Variants in TMEM178B observed in about 807,000 individuals in gnomAD.
TMEM178B encodes the protein transmembrane protein 178B.
TMEM178B carries 5 observed loss-of-function variants against 31.0 expected under a neutral mutation model. The observed-to-expected ratio is 0.16, with a 90% CI of 0.08 to 0.34. TMEM178B has a LOEUF of 0.34. TMEM178B is among the 10% of genes least tolerant of loss of function. TMEM178B has a pLI of 1.00. For synonymous variants in TMEM178B, 164 were observed against 164.0 expected, an observed-to-expected ratio of 1.00 and a Z score of 0.00; for missense variants, 275 against 400.3, an observed-to-expected ratio of 0.69 and a Z score of 2.67.
chr7:141,268,190 C>T (rs73737732), intron 2 of TMEM178B, among the ~76,000 whole-genome samples: 1 of 152,220 alleles, frequency 6.6e-6, no homozygotes, highest in African/African-American at 2.4e-5. Flanking sequence ...GTTTGAAGCA[C>T]TAAGAAGGAT....
At chr7:141,176,826 G>A (rs895012821) in intron 1 of TMEM178B, among the ~76,000 whole-genome samples, 7 of 151,992 alleles carry the variant, frequency 4.6e-5, no homozygotes, top group East Asian at 1.9e-4. Flanking sequence ...TTTTTTATGC[G>A]TCTATTTGAT....
chr7:141,349,941 A>G (rs1361502147), intron 2 of TMEM178B, among the ~76,000 whole-genome samples: 1 of 151,494 alleles, frequency 6.6e-6, no homozygotes, highest in African/African-American at 2.4e-5. Context: ...CCATGCATCC[A>G]TCCATGCATC....
intron 2 of TMEM178B, among the ~76,000 whole-genome samples, chr7:141,310,969 T>C (rs1798898574): frequency 6.6e-6 from 1 of 152,138 alleles, no homozygotes; most frequent in Non-Finnish European, 1.5e-5. Context: ...TATGCAGCCA[T>C]AAAAAGGAAT....
At chr7:141,286,596 T>C (rs955806718) in intron 2 of TMEM178B, among the ~76,000 whole-genome samples, 6 of 152,200 alleles carry the variant, frequency 3.9e-5, no homozygotes, top group African/African-American at 1.2e-4. Context: ...TTGCTGTCCA[T>C]GCGAGCCTGT....
rs537838447 is a variant in TMEM178B at position 141,143,918 on chromosome 7, T to C, written c.383-68673T>C. ...CAGCAGTGTTTTATAGTTCTCCTTGTAGAGATCTTTCATCTCTTTGGTTAG... is the reference window on the plus strand; with the variant it reads ...CAGCAGTGTTTTATAGTTCTCCTTGCAGAGATCTTTCATCTCTTTGGTTAG... On this transcript the variant is annotated intron_variant, in intron 1 of 3. Transcript: ENST00000565468. Among the ~76,000 whole-genome samples, 5 of 152,338 alleles carry C rather than the reference T, an allele frequency of 3.3e-5. No individual in the cohort carries two copies. The South Asian group carries it at 8.3e-4, about 25-fold the overall frequency.
chr7:141,401,801 G>A (rs1299687507), intron 2 of TMEM178B, among the ~76,000 whole-genome samples: 16 of 152,030 alleles, frequency 1.1e-4, no homozygotes, highest in Admixed American at 1.0e-3. Flanking sequence ...CTTGGCTATT[G>A]GTTTTTTAAA....
intron 3 of TMEM178B, among the ~76,000 whole-genome samples, chr7:141,467,307 G>A (rs1802162169): frequency 6.6e-6 from 1 of 152,234 alleles, no homozygotes; most frequent in South Asian, 2.1e-4. Context: ...TTGGAGTACT[G>A]TTCTCACAAG....
At chr7:141,501,015 AG>A in the TMEM178B span, among the ~76,000 whole-genome samples, 9 of 152,358 alleles carry the variant, frequency 5.9e-5, no homozygotes, top group South Asian at 2.1e-4. Context: ...TGTTGAAAAT[AG>A]AGGAAGGAGA....
intron 1 of TMEM178B, among the ~76,000 whole-genome samples, chr7:141,182,936 T>G (rs1388245922): frequency 6.6e-6 from 1 of 152,222 alleles, no homozygotes; most frequent in East Asian, 1.9e-4. Context: ...ATGTGTTTAT[T>G]AACACTGTGA....
intron 2 of TMEM178B, among the ~76,000 whole-genome samples, chr7:141,225,973 C>T (rs558873236): frequency 4.6e-5 from 7 of 152,222 alleles, no homozygotes; most frequent in South Asian, 2.1e-4. Context: ...TTTGCTTGGG[C>T]GCCTGGCACC....
intron 2 of TMEM178B, among the ~76,000 whole-genome samples, chr7:141,396,063 T>TAA (rs758478215): frequency 7.9e-5 from 12 of 151,968 alleles, no homozygotes; most frequent in Admixed American, 1.3e-4. Flanking sequence ...GGCCATGCCC[T>TAA]GAGAGAGAGA....
chr7:141,460,304 C>T (rs574261206), intron 3 of TMEM178B, among the ~76,000 whole-genome samples: 2 of 152,336 alleles, frequency 1.3e-5, no homozygotes, highest in African/African-American at 2.4e-5. Flanking sequence ...TGCACAAGGC[C>T]GTCCCTCTGC....
chr7:141,400,543 T>C (rs949549213), intron 2 of TMEM178B, among the ~76,000 whole-genome samples: 5 of 152,202 alleles, frequency 3.3e-5, no homozygotes, highest in African/African-American at 1.2e-4. Flanking sequence ...CACCCACCCA[T>C]TCCCAGAATA....
chr7:141,272,214 A>G (rs1190548066), intron 2 of TMEM178B, among the ~76,000 whole-genome samples: 1 of 152,188 alleles, frequency 6.6e-6, no homozygotes, highest in East Asian at 1.9e-4. Context: ...CATCTCCTGC[A>G]GTGGTTAGCA....
rs372629944 is a variant in TMEM178B at position 141,435,496 on chromosome 7, C to T, written c.497-2112C>T. On this transcript the variant is annotated intron_variant, in intron 2 of 3. Transcript: ENST00000565468. ...TCTACTGAGAAGGCAGCTCAGGCCT[C>T]GGTCACTCCAGAGTCTCTTGTGGTG... Among the ~76,000 whole-genome samples the T allele has an allele frequency of 2.2e-4, 33 of 152,290 alleles. No homozygotes were observed. The East Asian group carries it at 4.1e-3, about 19-fold the overall frequency.
the TMEM178B span, among the ~76,000 whole-genome samples, chr7:141,507,380 C>CT: frequency 8.1e-5 from 12 of 149,062 alleles, no homozygotes; most frequent in South Asian, 1.5e-3. Context: ...AACCTCAACT[C>CT]TTTTTTTTTT....
chr7:141,361,321 A>G (rs1368093962), intron 2 of TMEM178B, among the ~76,000 whole-genome samples: 1 of 152,148 alleles, frequency 6.6e-6, no homozygotes, highest in African/African-American at 2.4e-5. Context: ...ACCCAAATGG[A>G]GCACCAAGTA....
chr7:141,361,205 G>T (rs796834657), intron 2 of TMEM178B, among the ~76,000 whole-genome samples: 8 of 152,290 alleles, frequency 5.3e-5, no homozygotes, highest in African/African-American at 1.9e-4. Context: ...CTGGCTGGTG[G>T]TCCTTGCTCC....
chr7:141,447,007 C>T (rs1375739089), intron 3 of TMEM178B, among the ~76,000 whole-genome samples: 1 of 152,142 alleles, frequency 6.6e-6, no homozygotes, highest in Non-Finnish European at 1.5e-5. Context: ...GGTAATGTCT[C>T]TCCGACTGAT....
Sources: allele counts gnomAD v4.1 joint callset (sites outside exome capture counted in the v4.1 genomes callset), GRCh38; gene constraint gnomAD v4.1.1; transcripts MANE v1.5; gene names NCBI Gene and HGNC (gene_info 2026-07-23, HGNC 2026-07-21).